CBLB: variants seen among roughly 807,000 people sequenced by gnomAD.
CBLB encodes Cbl proto-oncogene B.
A neutral mutation model predicts 104.9 loss-of-function variants in CBLB; 31 were observed. The observed-to-expected ratio is 0.30, with a 90% CI of 0.22 to 0.40. The LOEUF is 0.40. Ranked by LOEUF, CBLB falls within the 10% of genes least tolerant of loss-of-function variation. The probability of loss-of-function intolerance (pLI) is 1.00; values close to 1 mark genes in which losing one functional copy is unlikely to be tolerated. For missense variants in CBLB, 1,062 were observed against 1,214.6 expected (o/e 0.87, Z 1.87); for synonymous variants, 440 against 422.6 (o/e 1.04, Z -0.51).
chr3:105,810,176 T>C (rs1020564775), intron 3 of CBLB, among the ~76,000 whole-genome samples: 3 of 152,238 alleles, frequency 2.0e-5, no homozygotes, highest in Admixed American at 6.5e-5. Flanking sequence ...TAAAAATCAA[T>C]TGGGCTGGAA....
At chr3:105,730,627 G>C (rs911222877) in intron 9 of CBLB, among the ~76,000 whole-genome samples, 1 of 152,060 alleles carries the variant, frequency 6.6e-6, no homozygotes, top group Non-Finnish European at 1.5e-5. Context: ...TGAGGTAAGA[G>C]CTTACAGAAA....
In CBLB at chr3:105,720,262, G is replaced by A. The variant is rs1559950680; in HGVS notation, c.1204-12C>T. 6.2e-7 allele frequency: 1 copy of A among 1,601,514 alleles called. No individual in the cohort carries two copies. The highest frequency in any genetic ancestry group is 1.7e-5 in the Admixed American group (1 of 59,388). On this transcript the variant is annotated splice_polypyrimidine_tract_variant and intron_variant, in intron 9 of 18. Coordinates refer to ENST00000394030, the MANE Select transcript of CBLB (RefSeq NM_170662.5). Reference sequence around the variant, plus strand: ...TGACCATCCGACTCCTAAACAAATAGAAAATGCATGGATTGGTTTTGTTCA... The same window carrying A: ...TGACCATCCGACTCCTAAACAAATAAAAAATGCATGGATTGGTTTTGTTCA...
At chr3:105,767,906 T>C (rs1403425624) in intron 4 of CBLB, among the ~76,000 whole-genome samples, 1 of 152,182 alleles carries the variant, frequency 6.6e-6, no homozygotes, top group African/African-American at 2.4e-5. Context: ...GGACAGATAA[T>C]CTGGCTGCAG....
At chr3:105,734,867 T>C (rs567926466) in intron 8 of CBLB, among the ~76,000 whole-genome samples, 24 of 152,220 alleles carry the variant, frequency 1.6e-4, no homozygotes, top group Non-Finnish European at 2.9e-4. Context: ...ATGTTCTTGA[T>C]TGATTGGGTT....
chr3:105,847,950 G>C (rs2090488969), intron 3 of CBLB, among the ~76,000 whole-genome samples: 1 of 151,970 alleles, frequency 6.6e-6, no homozygotes, highest in Admixed American at 6.6e-5. Context: ...ATAATACTTA[G>C]AGTTTCTCCT....
At chr3:105,777,691 G>A (rs2079647512) in intron 3 of CBLB, among the ~76,000 whole-genome samples, 1 of 152,204 alleles carries the variant, frequency 6.6e-6, no homozygotes, top group Admixed American at 6.5e-5. Context: ...GAATTCTGAA[G>A]ACTTGATGAA....
At chr3:105,841,675 G>A (rs1422733169) in intron 3 of CBLB, among the ~76,000 whole-genome samples, 1 of 151,666 alleles carries the variant, frequency 6.6e-6, no homozygotes. Context: ...GGATGGTCTC[G>A]ATCTCCTGAC....
At chr3:105,767,365 T>C (rs189091387) in intron 4 of CBLB, among the ~76,000 whole-genome samples, 220 of 152,144 alleles carry the variant, frequency 1.4e-3, no homozygotes, top group Admixed American at 3.8e-3. Flanking sequence ...CTTTCTTTCA[T>C]ATTAAAAGTG....
In CBLB at chr3:105,774,753, TA is replaced by T. The variant is rs201331572; in HGVS notation, c.566+1642del. Among the ~76,000 whole-genome samples, 24 of 152,108 alleles carry T rather than the reference TA, an allele frequency of 1.6e-4. No individual in the cohort carries two copies. The East Asian group carries it at 4.6e-3, about 29-fold the overall frequency. ...GTACCAGCAAAGTAAACTCCTCTCT[TA>T]AAAAAAACCTGTGAGCAATCTTTCC... On this transcript the variant is annotated intron_variant, in intron 4 of 18. Transcript: ENST00000394030.
chr3:105,761,501 C>T (rs2077626849), intron 4 of CBLB, among the ~76,000 whole-genome samples: 1 of 152,158 alleles, frequency 6.6e-6, no homozygotes, highest in Non-Finnish European at 1.5e-5. Context: ...AAATAAGCCA[C>T]ATGAGATCTG....
intron 18 of CBLB, among the ~76,000 whole-genome samples, chr3:105,666,742 T>TA (rs764037213): frequency 1.3e-5 from 2 of 151,946 alleles, no homozygotes; most frequent in African/African-American, 2.4e-5. Context: ...AAATTACAAA[T>TA]AAAAAAATCT....
At chr3:105,782,317 A>G (rs1041122251) in intron 3 of CBLB, among the ~76,000 whole-genome samples, 1 of 152,222 alleles carries the variant, frequency 6.6e-6, no homozygotes, top group Non-Finnish European at 1.5e-5. Context: ...CCTAGGAACA[A>G]CCTAAACTGA....
chr3:105,686,673 A>G (rs556678646), intron 13 of CBLB, among the ~76,000 whole-genome samples: 53 of 152,224 alleles, frequency 3.5e-4, no homozygotes, highest in Admixed American at 1.3e-3. Context: ...CATATTATCT[A>G]AGTCATTAGA....
chr3:105,727,667 C>A (rs536021900), intron 9 of CBLB, among the ~76,000 whole-genome samples: 2 of 151,964 alleles, frequency 1.3e-5, no homozygotes, highest in Non-Finnish European at 2.9e-5. Flanking sequence ...AGGGTTTTTA[C>A]GGTTTTATGT....
intron 3 of CBLB, among the ~76,000 whole-genome samples, chr3:105,848,224 A>T (rs2090527058): frequency 1.3e-5 from 2 of 152,104 alleles, no homozygotes; most frequent in African/African-American, 4.8e-5. Context: ...GAAAAATGAT[A>T]TAAAAGATGA....
At chr3:105,718,637 A>T (rs545058555) in intron 10 of CBLB, among the ~76,000 whole-genome samples, 4 of 152,314 alleles carry the variant, frequency 2.6e-5, no homozygotes, top group East Asian at 3.9e-4. Flanking sequence ...AATAGGTTTC[A>T]TGCTACCTGC....
At chr3:105,815,100 TG>T (rs2084844622) in intron 3 of CBLB, among the ~76,000 whole-genome samples, 1 of 152,168 alleles carries the variant, frequency 6.6e-6, no homozygotes, top group Admixed American at 6.5e-5. Context: ...CTTCAGAATG[TG>T]TTTATACATC....
intron 6 of CBLB, among the ~76,000 whole-genome samples, chr3:105,741,106 T>G (rs887056454): frequency 2.7e-5 from 4 of 147,624 alleles, no homozygotes; most frequent in Admixed American, 2.0e-4. Context: ...TTTTTTTTTT[T>G]TTTTTTTTTT....
intron 3 of CBLB, among the ~76,000 whole-genome samples, chr3:105,803,279 T>C (rs1285410952): frequency 6.6e-6 from 1 of 152,224 alleles, no homozygotes; most frequent in Non-Finnish European, 1.5e-5. Context: ...CTTAGTATTT[T>C]AGAAGAGAGG....
Sources: allele counts gnomAD v4.1 joint callset (sites outside exome capture counted in the v4.1 genomes callset), GRCh38; gene constraint gnomAD v4.1.1; transcripts MANE v1.5; gene names NCBI Gene and HGNC (gene_info 2026-07-23, HGNC 2026-07-21).